The following MED12L variants were observed in gnomAD, a reference collection of about 807,000 sequenced individuals.
MED12L encodes mediator of RNA polymerase II transcription subunit 12-like protein.
MED12L carries 60 observed loss-of-function variants against 281.3 expected under a neutral mutation model. The observed-to-expected ratio is 0.21, with a 90% CI of 0.17 to 0.26. MED12L has a LOEUF of 0.26. Ranked by LOEUF, MED12L falls within the 10% of genes least tolerant of loss-of-function variation. The probability of loss-of-function intolerance (pLI) is 1.00; values close to 1 mark genes in which losing one functional copy is unlikely to be tolerated. For missense variants in MED12L, 2,146 were observed against 2,680.9 expected (o/e 0.80, Z 4.41); for synonymous variants, 974 against 987.2 (o/e 0.99, Z 0.25).
intron 16 of MED12L, among the ~76,000 whole-genome samples, chr3:151,206,782 C>A (rs1726439080): frequency 6.7e-6 from 1 of 150,012 alleles, no homozygotes; most frequent in East Asian, 2.0e-4. Context: ...GTAGCTGGGA[C>A]TACAGGCACC....
intron 16 of MED12L, among the ~76,000 whole-genome samples, chr3:151,272,186 C>G (rs1290708108): frequency 6.6e-6 from 1 of 152,168 alleles, no homozygotes; most frequent in Non-Finnish European, 1.5e-5. Flanking sequence ...AAAAGGCTTT[C>G]TGGACAATAG....
chr3:151,303,383 A>G (rs987340297), intron 16 of MED12L, among the ~76,000 whole-genome samples: 2 of 151,784 alleles, frequency 1.3e-5, no homozygotes, highest in Non-Finnish European at 2.9e-5. Flanking sequence ...TTGGAGAAGT[A>G]CTCCTGGCTG....
At chr3:151,354,013 C>T (rs1753592814) in intron 17 of MED12L, among the ~76,000 whole-genome samples, 2 of 101,892 alleles carry the variant, frequency 2.0e-5, no homozygotes, top group Non-Finnish European at 3.7e-5. Context: ...TAGTGGCGGG[C>T]GCCTGTAGTC....
At chr3:151,415,492 G>C (rs1370536825) in intron 42 of MED12L, among the ~76,000 whole-genome samples, 1 of 152,244 alleles carries the variant, frequency 6.6e-6, no homozygotes, top group Non-Finnish European at 1.5e-5. Flanking sequence ...TTGTCACTTA[G>C]TGAGACATGC....
chr3:151,411,023 A>G (rs1314589151), intron 40 of MED12L, among the ~76,000 whole-genome samples: 5 of 151,706 alleles, frequency 3.3e-5, no homozygotes. Context: ...AAGCCAGTTT[A>G]ACTAAATGAG....
At chr3:151,142,511 C>A (rs973397805) in intron 5 of MED12L, among the ~76,000 whole-genome samples, 6 of 152,192 alleles carry the variant, frequency 3.9e-5, no homozygotes, top group African/African-American at 1.2e-4. Context: ...AGTGAAGTCT[C>A]CTTTCTAACA....
intron 37 of MED12L, 96 bp downstream of exon 37, chr3:151,388,268 A>T: frequency 1.4e-6 from 2 of 1,455,198 alleles, no homozygotes; most frequent in South Asian, 2.8e-5. Context: ...TACCAAGAGC[A>T]GGATAAGTTT....
intron 14 of MED12L, among the ~76,000 whole-genome samples, chr3:151,191,206 T>A (rs1475175444): frequency 3.3e-5 from 5 of 152,228 alleles, no homozygotes; most frequent in Non-Finnish European, 7.3e-5. Flanking sequence ...TACTTTCAGT[T>A]CTAGATGTTT....
At chr3:151,377,900 A>G (rs1711523748) in intron 30 of MED12L, 112 bp from the exon 31 acceptor site, 3 of 1,048,858 alleles carry the variant, frequency 2.9e-6, no homozygotes, top group Non-Finnish European at 4.0e-6. Context: ...GGGAAATTTT[A>G]GAACAGTCTG....
At chr3:151,376,693 G>T (rs886818677) in intron 28 of MED12L, 107 bp from the exon 29 acceptor site, 69 of 897,938 alleles carry the variant, frequency 7.7e-5, no homozygotes, top group Non-Finnish European at 3.5e-6. Flanking sequence ...TTATTTCATT[G>T]TGTATGATTA....
At chr3:151,382,982 A>C (rs372183050) in intron 33 of MED12L, among the ~76,000 whole-genome samples, 1 of 152,112 alleles carries the variant, frequency 6.6e-6, no homozygotes, top group East Asian at 1.9e-4. Context: ...TGCCTTCTCT[A>C]CCTCTACCCC....
chr3:151,087,123 G>T (rs779032179), intron 2 of MED12L, 98 bp downstream of exon 2: 2 of 965,806 alleles, frequency 2.1e-6, no homozygotes, highest in Non-Finnish European at 3.0e-6. Flanking sequence ...CGCTGCGGTG[G>T]AAGAGGTCGG....
chr3:151,257,049 A>G (rs1177835105), intron 16 of MED12L, among the ~76,000 whole-genome samples: 1 of 152,126 alleles, frequency 6.6e-6, no homozygotes, highest in African/African-American at 2.4e-5. Flanking sequence ...AAGCAGCACG[A>G]TACAGCTGCT....
At chr3:151,332,336 T>C (rs1031102357) in intron 16 of MED12L, among the ~76,000 whole-genome samples, 16 of 152,214 alleles carry the variant, frequency 1.1e-4, no homozygotes, top group African/African-American at 3.4e-4. Context: ...TTCTATACTC[T>C]TAGAAAAGAC....
At chr3:151,250,075 C>T (rs3846072) in intron 16 of MED12L, among the ~76,000 whole-genome samples, 69,374 of 151,914 alleles carry the variant, frequency 0.46, 16,726 homozygotes, top group Middle Eastern at 0.61. Flanking sequence ...CAGTCGGTAC[C>T]TTTATCTCCT....
At chr3:151,295,103 A>G in intron 16 of MED12L, 1 of 1,613,518 alleles carries the variant, frequency 6.2e-7, no homozygotes, top group South Asian at 1.1e-5. Context: ...AATGAGATAA[A>G]GCACCGGCAA....
intron 43 of MED12L, among the ~76,000 whole-genome samples, chr3:151,419,758 C>T (rs1350909864): frequency 2.0e-5 from 3 of 152,156 alleles, no homozygotes; most frequent in South Asian, 2.1e-4. Flanking sequence ...CAACCGGAAA[C>T]GCACCAATCC....
intron 16 of MED12L, chr3:151,199,508 G>T: frequency 1.2e-6 from 1 of 810,344 alleles, no homozygotes; most frequent in South Asian, 1.8e-5. Flanking sequence ...AAAGACATTG[G>T]TCTTCACAAT....
intron 5 of MED12L, among the ~76,000 whole-genome samples, chr3:151,143,129 G>A (rs1717286340): frequency 1.3e-5 from 2 of 152,220 alleles, no homozygotes; most frequent in African/African-American, 4.8e-5. Context: ...GGGAATGAGA[G>A]GGAAGCCGGG....
Sources: allele counts gnomAD v4.1 joint callset (sites outside exome capture counted in the v4.1 genomes callset), GRCh38; gene constraint gnomAD v4.1.1; transcripts MANE v1.5; gene names NCBI Gene and HGNC (gene_info 2026-07-23, HGNC 2026-07-21).